The following AFF3 variants were observed in gnomAD, a reference collection of about 807,000 sequenced individuals.
AFF3 encodes AF4/FMR2 family member 3.
In AFF3, 32 loss-of-function variants were observed where a neutral mutation model predicts 129.7. The observed-to-expected ratio is 0.25, with a 90% CI of 0.19 to 0.33. The LOEUF (loss-of-function observed/expected upper bound fraction) is 0.33, where lower values mean the gene tolerates loss of function less well. Among genes scored for constraint, AFF3 ranks in the 10% least tolerant of loss-of-function variants. The pLI is 1.00. For synonymous variants in AFF3, 644 were observed against 635.4 expected, an observed-to-expected ratio of 1.01 and a Z score of -0.20; for missense variants, 1,373 against 1,592.0, an observed-to-expected ratio of 0.86 and a Z score of 2.34.
chr2:99,998,355 G>A (rs1681047799), intron 7 of AFF3, among the ~76,000 whole-genome samples: 1 of 152,090 alleles, frequency 6.6e-6, no homozygotes, highest in African/African-American at 2.4e-5. Flanking sequence ...TCTGCTGGGG[G>A]GTTTCAACAT....
At chr2:99,856,341 T>G (rs957526975) in intron 7 of AFF3, among the ~76,000 whole-genome samples, 1 of 152,146 alleles carries the variant, frequency 6.6e-6, no homozygotes, top group African/African-American at 2.4e-5. Context: ...CCAAAATTAC[T>G]AGGCATACAA....
intron 8 of AFF3, among the ~76,000 whole-genome samples, chr2:99,797,293 A>G (rs1282629770): frequency 6.6e-6 from 1 of 152,192 alleles, no homozygotes. Context: ...TGAAAACTAT[A>G]TGAAATGCAA....
At chr2:100,067,897 G>A (rs1428292239) in intron 4 of AFF3, among the ~76,000 whole-genome samples, 4 of 152,128 alleles carry the variant, frequency 2.6e-5, no homozygotes, top group Non-Finnish European at 5.9e-5. Context: ...CAAACAGAGT[G>A]CCAGCTGTTA....
At chr2:99,960,379 T>C (rs895980843) in intron 7 of AFF3, among the ~76,000 whole-genome samples, 21 of 152,046 alleles carry the variant, frequency 1.4e-4, no homozygotes, top group Non-Finnish European at 2.4e-4. Context: ...CGTCACACAT[T>C]CTTAACTGTT....
chr2:99,729,256 G>C (rs2105015333), intron 10 of AFF3, among the ~76,000 whole-genome samples: 1 of 152,286 alleles, frequency 6.6e-6, no homozygotes, highest in African/African-American at 2.4e-5. Flanking sequence ...GCATTGTTTG[G>C]ATGTTTGAAG....
chr2:100,071,711 C>A (rs1688201499), intron 4 of AFF3, among the ~76,000 whole-genome samples: 1 of 152,134 alleles, frequency 6.6e-6, no homozygotes, highest in African/African-American at 2.4e-5. Flanking sequence ...CCTAAAAATT[C>A]TTCGAGCAAA....
chr2:99,685,306 G>A (rs750824227), intron 11 of AFF3, among the ~76,000 whole-genome samples: 60 of 152,238 alleles, frequency 3.9e-4, no homozygotes, highest in Admixed American at 9.2e-4. Flanking sequence ...CCATTGTCAG[G>A]TACATACAAC....
intron 9 of AFF3, among the ~76,000 whole-genome samples, chr2:99,745,439 G>A (rs1198385830): frequency 1.3e-5 from 2 of 152,104 alleles, no homozygotes; most frequent in Non-Finnish European, 2.9e-5. Flanking sequence ...TGTTGCTCAT[G>A]CTTTTGGTGT....
At chr2:99,626,202 G>T (rs1039172845) in intron 13 of AFF3, among the ~76,000 whole-genome samples, 1 of 152,216 alleles carries the variant, frequency 6.6e-6, no homozygotes, top group Admixed American at 6.5e-5. Flanking sequence ...TTTACTGAAA[G>T]AACACAGTAT....
intron 14 of AFF3, among the ~76,000 whole-genome samples, chr2:99,594,871 T>A (rs772407653): frequency 1.3e-5 from 2 of 152,210 alleles, no homozygotes; most frequent in Non-Finnish European, 2.9e-5. Context: ...TCAGAGGTAT[T>A]TGTGCATCTT....
At chr2:99,753,641 C>A (rs1358908577) in intron 8 of AFF3, among the ~76,000 whole-genome samples, 2 of 152,142 alleles carry the variant, frequency 1.3e-5, no homozygotes, top group Admixed American at 1.3e-4. Context: ...TCAGATAGTG[C>A]AGAACCCACA....
At chr2:100,134,844 T>C (rs1692566539) in intron 1 of AFF3, among the ~76,000 whole-genome samples, 1 of 152,220 alleles carries the variant, frequency 6.6e-6, no homozygotes, top group African/African-American at 2.4e-5. Context: ...GAAGGAACTT[T>C]CATTCTAATG....
intron 7 of AFF3, among the ~76,000 whole-genome samples, chr2:99,884,104 G>A (rs1458249041): frequency 6.6e-6 from 1 of 152,166 alleles, no homozygotes; most frequent in Admixed American, 6.5e-5. Flanking sequence ...GGAGAGATTG[G>A]TCCATAAAGT....
At position 99,654,220 on chromosome 2, in the gene AFF3, T is replaced by C. The variant is rs80322209; in HGVS notation, c.1144-4554A>G. Among the ~76,000 whole-genome samples the C allele has an allele frequency of 1.8e-4, 27 of 152,332 alleles. No homozygotes were observed. In the East Asian group the frequency reaches 2.1e-3, roughly 12 times the overall value. On this transcript the variant is annotated intron_variant, in intron 12 of 24. Coordinates refer to ENST00000672756, the MANE Select transcript of AFF3 (RefSeq NM_001386135.1). ...TAATGACTAATTTTCATTGTGCTAT[T>C]TAATTTGCAGTCACTCTACATCATT...
At position 99,582,903 on chromosome 2, in the gene AFF3, T is replaced by A; in HGVS notation, c.2688A>T (p.Leu896Phe). 2 of 1,614,170 alleles carry A rather than the reference T, an allele frequency of 1.2e-6. No individual in the cohort carries two copies. Among genetic ancestry groups the A allele is most frequent in the Non-Finnish European group, 8.5e-7 (1 of 1,180,034 alleles). ...ASKHKYTSED[L>F]TSSSRPNGNS... ...TGCCATTAGGTCGGCTGGAAGAAGT[T>A]AAGTCCTCGCTGGTGTATTTGTGTT... The change falls in exon 17 of 25, where the codon TTA becomes TTT. Residue 896 changes from leucine to phenylalanine, a missense_variant. Transcript: ENST00000672756.
chr2:100,029,646 C>T (rs1684325308), intron 4 of AFF3, among the ~76,000 whole-genome samples: 1 of 152,108 alleles, frequency 6.6e-6, no homozygotes, highest in Non-Finnish European at 1.5e-5. Context: ...AGGACGGCCA[C>T]TAGGGGATGC....
chr2:100,015,720 G>A (rs1003720344), intron 4 of AFF3, among the ~76,000 whole-genome samples: 1 of 152,230 alleles, frequency 6.6e-6, no homozygotes, highest in Non-Finnish European at 1.5e-5. Flanking sequence ...CAGAAAGACA[G>A]TGAGCATGGG....
chr2:99,557,609 G>A (rs760226615), intron 22 of AFF3, among the ~76,000 whole-genome samples: 2 of 152,106 alleles, frequency 1.3e-5, no homozygotes, highest in African/African-American at 2.4e-5. Flanking sequence ...TAGATCTTAC[G>A]TTCTGGATTT....
intron 11 of AFF3, among the ~76,000 whole-genome samples, chr2:99,720,508 C>T (rs1202387087): frequency 2.6e-5 from 4 of 152,102 alleles, no homozygotes; most frequent in African/African-American, 9.7e-5. Context: ...ATGCTGATGC[C>T]CTGCTTCCCA....
Sources: allele counts gnomAD v4.1 joint callset (sites outside exome capture counted in the v4.1 genomes callset), GRCh38; gene constraint gnomAD v4.1.1; transcripts MANE v1.5; gene names NCBI Gene and HGNC (gene_info 2026-07-23, HGNC 2026-07-21).